The following CDH22 variants were observed in gnomAD, a reference collection of about 807,000 sequenced individuals.
CDH22 encodes the protein cadherin 22.
In CDH22, 30 loss-of-function variants were observed where a neutral mutation model predicts 58.4. The ratio of observed to expected loss-of-function variants is 0.51; its 90% CI spans 0.38 to 0.70. The LOEUF (loss-of-function observed/expected upper bound fraction) is 0.70. Ranked by LOEUF, CDH22 falls within the 30% of genes least tolerant of loss-of-function variation. CDH22 has a pLI of 0.00. For synonymous variants in CDH22, 513 were observed against 558.2 expected (o/e 0.92, Z 1.14); for missense variants, 1,014 against 1,233.9 (o/e 0.82, Z 2.67).
At chr20:46,217,527 T>C (rs1437496824) in intron 4 of CDH22, among the ~76,000 whole-genome samples, 2 of 152,112 alleles carry the variant, frequency 1.3e-5, no homozygotes, top group Non-Finnish European at 2.9e-5. Flanking sequence ...CACACTCATA[T>C]ACCTTACAGA....
intron 1 of CDH22, among the ~76,000 whole-genome samples, chr20:46,286,779 G>T (rs1263322232): frequency 6.6e-6 from 1 of 152,122 alleles, no homozygotes; most frequent in Non-Finnish European, 1.5e-5. Flanking sequence ...TGCTATATCT[G>T]TCTAACATCC....
chr20:46,200,984 T>C (rs1170636288), intron 7 of CDH22, among the ~76,000 whole-genome samples: 1 of 152,192 alleles, frequency 6.6e-6, no homozygotes, highest in Non-Finnish European at 1.5e-5. Context: ...CTGCAGCTTT[T>C]CCGTTGCCGC....
At chr20:46,201,121 C>T (rs2085958315) in intron 7 of CDH22, among the ~76,000 whole-genome samples, 3 of 152,252 alleles carry the variant, frequency 2.0e-5, no homozygotes. Context: ...CTCCGGCCTC[C>T]GCTTCCCCAT....
At chr20:46,221,718 G>T (rs996251692) in intron 4 of CDH22, among the ~76,000 whole-genome samples, 1 of 152,170 alleles carries the variant, frequency 6.6e-6, no homozygotes, top group South Asian at 2.1e-4. Context: ...CCGTGTGCAG[G>T]GCGGGGAGGA....
chr20:46,266,340 C>T (rs190468204), intron 1 of CDH22, among the ~76,000 whole-genome samples: 115 of 152,248 alleles, frequency 7.6e-4, no homozygotes, highest in African/African-American at 2.7e-3. Context: ...GGACCTGGGT[C>T]ATTCAGGGGC....
At chr20:46,286,413 C>T (rs1052299171) in intron 1 of CDH22, among the ~76,000 whole-genome samples, 2 of 152,146 alleles carry the variant, frequency 1.3e-5, no homozygotes, top group Non-Finnish European at 2.9e-5. Context: ...TTAAAAAGTG[C>T]GGACCGACCA....
At chr20:46,268,297 T>G (rs1312913665) in intron 1 of CDH22, among the ~76,000 whole-genome samples, 2 of 152,250 alleles carry the variant, frequency 1.3e-5, no homozygotes, top group Admixed American at 1.3e-4. Context: ...GGTCTGTCGC[T>G]TGCTGTGATC....
intron 1 of CDH22, among the ~76,000 whole-genome samples, chr20:46,270,077 A>G (rs1224782202): frequency 2.6e-5 from 4 of 152,140 alleles, no homozygotes; most frequent in Admixed American, 6.5e-5. Flanking sequence ...GCAAAGGGGA[A>G]AGGAATTCCA....
At chr20:46,221,187 C>T (rs1209560165) in intron 4 of CDH22, among the ~76,000 whole-genome samples, 2 of 152,050 alleles carry the variant, frequency 1.3e-5, no homozygotes, top group Non-Finnish European at 2.9e-5. Context: ...CATGAGTGAC[C>T]CCAGCAAAAT....
chr20:46,257,369 A>G (rs1346661289), intron 1 of CDH22, among the ~76,000 whole-genome samples: 1 of 151,898 alleles, frequency 6.6e-6, no homozygotes, highest in East Asian at 1.9e-4. Context: ...GGAGGAGCCT[A>G]TGGCAATATT....
At chr20:46,229,778 T>G (rs1359860229) in intron 3 of CDH22, among the ~76,000 whole-genome samples, 2 of 152,102 alleles carry the variant, frequency 1.3e-5, no homozygotes, top group East Asian at 3.9e-4. Context: ...ATCAGGCTTA[T>G]GGTGGGTGCA....
intron 1 of CDH22, among the ~76,000 whole-genome samples, chr20:46,252,632 C>T (rs920543250): frequency 6.6e-6 from 1 of 152,122 alleles, no homozygotes; most frequent in African/African-American, 2.4e-5. Flanking sequence ...GGGGCTCAAT[C>T]CCCACTTCTC....
chr20:46,260,462 A>G (rs1040305974), intron 1 of CDH22, among the ~76,000 whole-genome samples: 3 of 152,172 alleles, frequency 2.0e-5, no homozygotes, highest in African/African-American at 7.2e-5. Flanking sequence ...TGTCAGCTGC[A>G]TGGCAAACTT....
chr20:46,181,716 T>TTTCCTTCCTTCCTTCCTTCCTTCC (rs768698552), intron 10 of CDH22, among the ~76,000 whole-genome samples: 58 of 44,318 alleles, frequency 1.3e-3, no homozygotes, highest in South Asian at 4.5e-3. Context: ...TCTTTCTTTT[T>TTTCCTTCCTTCCTTCCTTCCTTCC]TTCCTTCCTT....
At position 46,210,171 on chromosome 20, in the gene CDH22, C is replaced by A; in HGVS notation, c.1286+136G>T. ...TTCTCTCCACCCGTGCGCCTCTCTC[C>A]GCGCCTCCCTCCCCCACGCAGCCCC... On this transcript the variant is annotated intron_variant, in intron 7 of 11. Transcript: ENST00000537909. This position sits in a 1 kb window ranked among gnomAD's most constrained non-coding sequence, Gnocchi z 4.5. 1.1e-6 allele frequency: 1 copy of A among 931,714 alleles called. No individual in the cohort carries two copies. Among genetic ancestry groups the A allele is most frequent in the Non-Finnish European group, 1.5e-6 (1 of 685,284 alleles). The allele number at this position is 931,714 out of a possible 1,614,324, so 57.7% of individuals were successfully genotyped here.
chr20:46,194,408 C>T (rs2085884499), intron 8 of CDH22, among the ~76,000 whole-genome samples: 2 of 152,250 alleles, frequency 1.3e-5, no homozygotes, highest in African/African-American at 4.8e-5. Context: ...TAGGCCTCCT[C>T]TATGGTCCTT....
At chr20:46,180,384 G>A (rs1039807706) in intron 10 of CDH22, among the ~76,000 whole-genome samples, 1 of 152,184 alleles carries the variant, frequency 6.6e-6, no homozygotes, top group African/African-American at 2.4e-5. Context: ...GTTGAGTCAA[G>A]TTCGACAGTT....
At chr20:46,269,696 G>C (rs918435454) in intron 1 of CDH22, among the ~76,000 whole-genome samples, 1 of 152,170 alleles carries the variant, frequency 6.6e-6, no homozygotes, top group Non-Finnish European at 1.5e-5. Flanking sequence ...ATGCCAAGAG[G>C]AGCCAGCCTG....
At chr20:46,195,616 C>T (rs1049818722) in intron 8 of CDH22, among the ~76,000 whole-genome samples, 7 of 115,092 alleles carry the variant, frequency 6.1e-5, no homozygotes, top group Admixed American at 2.5e-4. Context: ...TCCCCTAGAC[C>T]CCCCCCCCAC....
Sources: gnomAD v4.1 joint callset for allele counts (sites outside exome capture counted in the v4.1 genomes callset) on GRCh38, gnomAD v4.1.1 for gene constraint, Gnocchi (gnomAD v3.1) non-coding constraint, MANE v1.5 for transcripts, NCBI Gene and HGNC (gene_info 2026-07-23, HGNC 2026-07-21) for gene names.